HMCN1: variants seen among roughly 807,000 people sequenced by gnomAD.
HMCN1 encodes the protein hemicentin 1, also known as hemicentin-1.
In HMCN1, 321 loss-of-function variants were observed where a neutral mutation model predicts 625.9. That is an observed-to-expected ratio of 0.51 (90% CI 0.47 to 0.56). The LOEUF is 0.56. Among genes scored for constraint, HMCN1 ranks in the 20% least tolerant of loss-of-function variants. The pLI, the probability that HMCN1 is intolerant of heterozygous loss-of-function variation, is 0.00. For missense variants in HMCN1, 6,588 were observed against 6,887.3 expected (o/e 0.96, Z 1.54); for synonymous variants, 2,425 against 2,417.6 (o/e 1.00, Z -0.09).
Position 186,157,324 on chromosome 1 carries a change from ACATAATT to A in HMCN1, c.15256+3340_15256+3346del, listed in dbSNP as rs1651087360. On this transcript the variant is annotated intron_variant, in intron 97 of 106. Transcript: ENST00000271588. ...TTACTATCTTGAAATAAAAATTGTAACATAATTCAAAGTAACACACTTTATAATATGA... is the reference window on the plus strand; with the variant it reads ...TTACTATCTTGAAATAAAAATTGTAACAAAGTAACACACTTTATAATATGA... Among the ~76,000 whole-genome samples, 9 of 152,330 alleles carry A rather than the reference ACATAATT, an allele frequency of 5.9e-5. No homozygotes were observed. The South Asian group carries it at 1.9e-3, about 32-fold the overall frequency.
intron 64 of HMCN1, among the ~76,000 whole-genome samples, chr1:186,091,232 A>G (rs766816519): frequency 3.3e-5 from 5 of 152,142 alleles, no homozygotes; most frequent in Admixed American, 6.6e-5. Context: ...CAGAATGATT[A>G]TGCTAAAGCC....
At chr1:186,014,442 C>T (rs1414782888) in intron 30 of HMCN1, among the ~76,000 whole-genome samples, 1 of 151,882 alleles carries the variant, frequency 6.6e-6, no homozygotes, top group Non-Finnish European at 1.5e-5. Flanking sequence ...CAAATTCATA[C>T]ACATGCCATT....
In HMCN1 at chr1:185,997,499, C is replaced by T. The variant is rs769496017; in HGVS notation, c.3849C>T (p.Arg1283=). 1.9e-6 allele frequency: 3 copies of T among 1,610,904 alleles called. No homozygotes were observed. The highest frequency in any genetic ancestry group is 2.2e-5 in the South Asian group (2 of 91,030). Residue 1283 remains arginine (R), a synonymous_variant, in exon 25 of 107, where the codon CGC becomes CGT. Transcript: ENST00000271588. ...TCCAAGAAAGAGTGGCCAATCAACG[C>T]ATTGAATTTCCATGTCCTGCAAAAG... The part of the protein sequence containing the change: ...TTFQERVANQ[R]IEFPCPAKGT...
intron 52 of HMCN1, among the ~76,000 whole-genome samples, chr1:186,071,578 A>G (rs893984379): frequency 6.6e-6 from 1 of 150,540 alleles, no homozygotes; most frequent in Non-Finnish European, 1.5e-5. Context: ...TCAACCAAAT[A>G]GTCAGTCAAA....
chr1:185,982,787 A>G (rs1354224491), intron 18 of HMCN1, among the ~76,000 whole-genome samples: 2 of 152,132 alleles, frequency 1.3e-5, no homozygotes, highest in Non-Finnish European at 2.9e-5. Flanking sequence ...TCCAATCACC[A>G]AAAGTATCGA....
rs781700088 is a variant in HMCN1, at chr1:186,171,909, A to G, written c.15689-97A>G. The G allele has an allele frequency of 1.1e-4, 117 of 1,059,712 alleles. 1 individual carries two copies. Among genetic ancestry groups the G allele is most frequent in the Non-Finnish European group, 1.5e-4 (109 of 704,976 alleles). The allele number at this position is 1,059,712 out of a possible 1,614,324, so 65.6% of individuals were successfully genotyped here. A position where few individuals can be genotyped will look rare whatever the true frequency, so the allele number is the denominator to read the frequency against. ...CACAATGATTATGCAATGAATGTAT[A>G]TATAAATAATATCCCTAAAATCCAA... On this transcript the variant is annotated intron_variant, in intron 101 of 106. Coordinates refer to ENST00000271588, the MANE Select transcript of HMCN1 (RefSeq NM_031935.3).
intron 11 of HMCN1, among the ~76,000 whole-genome samples, chr1:185,941,541 G>A (rs182297346): frequency 6.6e-6 from 1 of 152,126 alleles, no homozygotes; most frequent in Non-Finnish European, 1.5e-5. Flanking sequence ...CCAAAATGAG[G>A]TCTATGAAAA....
rs1184303714 is a variant in HMCN1, at chr1:185,734,915, T to A, written c.136T>A (p.Phe46Ile). 2 of 1,614,130 alleles carry A rather than the reference T, an allele frequency of 1.2e-6. No individual in the cohort carries two copies. The highest frequency in any genetic ancestry group is 8.5e-7 in the Non-Finnish European group (1 of 1,180,002). The change falls in exon 1 of 107, where the codon TTT becomes ATT. Residue 46 changes from phenylalanine (F) to isoleucine (I), a missense_variant. Transcript: ENST00000271588. ...GGGGGCCTCCACGTTGGCTTTTGTG[T>A]TTGATGTGACTGGTTCTATGTATGA... is the stretch of plus-strand genomic sequence containing the variant. ...PEGASTLAFV[F>I]DVTGSMYDDL...
intron 48 of HMCN1, among the ~76,000 whole-genome samples, chr1:186,063,067 C>CATATAT (rs775036108): frequency 0.084 from 4,984 of 59,560 alleles, 560 homozygotes; most frequent in Middle Eastern, 0.15. Flanking sequence ...TGTGTGTGTG[C>CATATAT]ATATATATAT....
rs181191733 is a variant in HMCN1, at chr1:185,863,927, A to G, written c.340-543A>G. On this transcript the variant is annotated intron_variant, in intron 2 of 106. Transcript: ENST00000271588. The stretch of plus-strand genomic sequence containing the variant: ...ACATGCCATGCTGGAATGATTTAGT[A>G]AAGAGTGTGATGGAGTAGAGAGATC... Among the ~76,000 whole-genome samples, 381 of 152,282 alleles carry G rather than the reference A, an allele frequency of 2.5e-3. 4 individuals carry two copies. The highest frequency in any genetic ancestry group is 1.9e-3 in the Non-Finnish European group (131 of 68,018).
At chr1:185,800,004 T>A (rs183202616) in intron 1 of HMCN1, among the ~76,000 whole-genome samples, 1 of 152,076 alleles carries the variant, frequency 6.6e-6, no homozygotes, top group Non-Finnish European at 1.5e-5. Flanking sequence ...CCAGCCCTGA[T>A]GGGGTCAGAA....
intron 40 of HMCN1, among the ~76,000 whole-genome samples, chr1:186,042,805 G>T (rs1406561676): frequency 6.6e-6 from 1 of 151,978 alleles, no homozygotes; most frequent in Non-Finnish European, 1.5e-5. Context: ...ATTTGTAGTA[G>T]TAACCTTGGT....
At position 186,107,803 on chromosome 1, in the gene HMCN1, G is replaced by A. The variant is rs76745774; in HGVS notation, c.10853-658G>A. 2.6e-3 allele frequency among the ~76,000 whole-genome samples: 400 copies of A among 152,048 alleles called. 4 individuals are homozygous for A. The highest frequency in any genetic ancestry group is 9.4e-3 in the African/African-American group (389 of 41,486). ...ATACAAACACACTCACTCTTCTAAG[G>A]ATTTTGAAACTAATTGTCAAATTAC... On this transcript the variant is annotated intron_variant, in intron 70 of 106. Coordinates refer to ENST00000271588, the MANE Select transcript of HMCN1 (RefSeq NM_031935.3).
At chr1:186,145,605 G>A (rs1650267490) in intron 92 of HMCN1, 32 bp downstream of exon 92, 4 of 1,612,380 alleles carry the variant, frequency 2.5e-6, no homozygotes, top group Admixed American at 1.7e-5. Context: ...AGTTGAATAA[G>A]TAAAGCATTT....
At chr1:185,784,855 G>A (rs114720206) in intron 1 of HMCN1, among the ~76,000 whole-genome samples, 19 of 152,286 alleles carry the variant, frequency 1.2e-4, no homozygotes, top group African/African-American at 4.6e-4. Flanking sequence ...AGCCCAGAAT[G>A]TTCCTTTTAT....
At chr1:185,861,525 G>T (rs967389990) in intron 2 of HMCN1, among the ~76,000 whole-genome samples, 4 of 152,106 alleles carry the variant, frequency 2.6e-5, no homozygotes, top group East Asian at 3.8e-4. Flanking sequence ...TATACAATAG[G>T]AATTTAAATT....
chr1:185,956,345 G>T (rs1164003097), intron 11 of HMCN1, among the ~76,000 whole-genome samples: 1 of 152,152 alleles, frequency 6.6e-6, no homozygotes, highest in Non-Finnish European at 1.5e-5. Flanking sequence ...ATTGCAAACT[G>T]TAGGTTGTGA....
chr1:185,917,044 G>C (rs1330272216), intron 6 of HMCN1, among the ~76,000 whole-genome samples: 1 of 152,138 alleles, frequency 6.6e-6, no homozygotes, highest in African/African-American at 2.4e-5. Context: ...ACTAGAGCTA[G>C]CTCATAATGA....
intron 63 of HMCN1, 115 bp downstream of exon 63, chr1:186,088,870 T>C (rs1262570062): frequency 9.2e-6 from 9 of 980,844 alleles, no homozygotes; most frequent in Non-Finnish European, 1.4e-5. Flanking sequence ...CTTTAGATCA[T>C]CAAAAACTAT....
Sources: allele counts gnomAD v4.1 joint callset (sites outside exome capture counted in the v4.1 genomes callset), GRCh38; gene constraint gnomAD v4.1.1; transcripts MANE v1.5; gene names NCBI Gene and HGNC (gene_info 2026-07-23, HGNC 2026-07-21).